The following FGF14 variants were observed in gnomAD, a reference collection of about 807,000 sequenced individuals.
FGF14 encodes fibroblast growth factor 14.
FGF14 carries 5 observed loss-of-function variants against 25.5 expected under a neutral mutation model. The ratio of observed to expected loss-of-function variants is 0.20; its 90% CI spans 0.10 to 0.41. The LOEUF is 0.41. Among genes scored for constraint, FGF14 ranks in the 10% least tolerant of loss-of-function variants. The pLI, the probability that FGF14 is intolerant of heterozygous loss-of-function variation, is 1.00. For synonymous variants in FGF14, 138 were observed against 118.3 expected (o/e 1.17, Z -1.08); for missense variants, 222 against 320.1 (o/e 0.69, Z 2.34).
At chr13:101,959,899 A>G (rs2036738512) in intron 1 of FGF14, among the ~76,000 whole-genome samples, 1 of 152,222 alleles carries the variant, frequency 6.6e-6, no homozygotes, top group African/African-American at 2.4e-5. Flanking sequence ...AATATTTGCT[A>G]AATTGAATCT....
chr13:101,720,685 T>C lies in FGF14; in HGVS notation c.*2146A>G, dbSNP rs972218465. The stretch of plus-strand genomic sequence containing the variant: ...AGTTGGCCACATATTATGGGATCTA[T>C]GTTTTCTGAAAATAATTGGTTAATG... On this transcript the variant is annotated 3_prime_UTR_variant, in exon 5 of 5. Transcript: ENST00000376143. The C allele has an allele frequency of 2.0e-5, 3 of 152,068 alleles. No individual in the cohort carries two copies. Among genetic ancestry groups the C allele is most frequent in the African/African-American group, 7.2e-5 (3 of 41,410 alleles). 9.4% of individuals were successfully genotyped at this position (152,068 alleles called of 1,614,324 possible). A position where few individuals can be genotyped will look rare whatever the true frequency, so the allele number is the denominator to read the frequency against.
At chr13:102,314,067 C>T (rs530367813) in intron 1 of FGF14, among the ~76,000 whole-genome samples, 66 of 151,714 alleles carry the variant, frequency 4.4e-4, no homozygotes, top group Admixed American at 7.3e-4. Context: ...TCAGGGGCCA[C>T]GCAAGCCATC....
intron 3 of FGF14, among the ~76,000 whole-genome samples, chr13:101,782,986 T>G (rs2039599209): frequency 6.6e-6 from 1 of 152,198 alleles, no homozygotes. Context: ...TAATTTACAC[T>G]CCCACCAACA....
At chr13:102,350,125 T>C (rs2057232423) in intron 1 of FGF14, among the ~76,000 whole-genome samples, 1 of 152,180 alleles carries the variant, frequency 6.6e-6, no homozygotes, top group African/African-American at 2.4e-5. Context: ...TATGACAGCA[T>C]ACAGCAGGTA....
intron 1 of FGF14, among the ~76,000 whole-genome samples, chr13:102,141,393 G>A (rs1412358338): frequency 1.3e-5 from 2 of 152,180 alleles, no homozygotes; most frequent in Non-Finnish European, 2.9e-5. Flanking sequence ...TCTCTTTCAT[G>A]TAGCTTTCTA....
chr13:101,723,042 C>G, intron 4 of FGF14, 75 bp from the exon 5 acceptor site: 1 of 1,534,804 alleles, frequency 6.5e-7, no homozygotes, highest in Non-Finnish European at 9.0e-7. Context: ...TCCATACCTG[C>G]ATAGACCACT....
intron 1 of FGF14, among the ~76,000 whole-genome samples, chr13:102,349,766 GT>G (rs1425441248): frequency 1.3e-5 from 2 of 152,198 alleles, no homozygotes; most frequent in African/African-American, 4.8e-5. Flanking sequence ...GAACCCATGG[GT>G]TTAGGTTAAA....
At chr13:101,941,482 T>C (rs1191732434) in intron 1 of FGF14, among the ~76,000 whole-genome samples, 1 of 152,184 alleles carries the variant, frequency 6.6e-6, no homozygotes, top group Non-Finnish European at 1.5e-5. Flanking sequence ...CATTTACAAG[T>C]ACAAATTTCA....
intron 1 of FGF14, among the ~76,000 whole-genome samples, chr13:102,027,227 A>T (rs1330697041): frequency 1.3e-5 from 2 of 151,700 alleles, no homozygotes; most frequent in South Asian, 2.1e-4. Context: ...ACATACACAC[A>T]GACACACACA....
intron 1 of FGF14, among the ~76,000 whole-genome samples, chr13:102,108,202 TG>T (rs1259576150): frequency 1.3e-5 from 2 of 152,240 alleles, no homozygotes; most frequent in Non-Finnish European, 2.9e-5. Context: ...TCTTATCTAT[TG>T]TATCAATTTT....
chr13:101,729,698 C>T (rs995019473), intron 3 of FGF14, among the ~76,000 whole-genome samples: 1 of 152,080 alleles, frequency 6.6e-6, no homozygotes, highest in African/African-American at 2.4e-5. Flanking sequence ...AAAAGTTTCT[C>T]ATTATTTGTA....
At chr13:101,890,054 T>C (rs2046192119) in intron 1 of FGF14, among the ~76,000 whole-genome samples, 1 of 152,150 alleles carries the variant, frequency 6.6e-6, no homozygotes, top group Admixed American at 6.6e-5. Flanking sequence ...CTTTGCTGAG[T>C]TCTAAAATTC....
intron 3 of FGF14, among the ~76,000 whole-genome samples, chr13:101,797,392 C>T (rs114103577): frequency 6.6e-6 from 1 of 152,006 alleles, no homozygotes; most frequent in East Asian, 1.9e-4. Flanking sequence ...TGTAATTGTG[C>T]GTCCTTTATA....
At chr13:102,076,207 C>T (rs2043355999) in intron 1 of FGF14, among the ~76,000 whole-genome samples, 1 of 152,182 alleles carries the variant, frequency 6.6e-6, no homozygotes. Flanking sequence ...AGAACAACTT[C>T]CAGTCTTGCA....
rs1429286098 is a variant in FGF14 at position 101,736,654 on chromosome 13, T to A, written c.409-9844A>T. ...AATGTACATCCAATTAAAGGAGAGC[T>A]AAGGTGAGAATTGGTGATGGTTAAT... On this transcript the variant is annotated intron_variant, in intron 3 of 4. Transcript: ENST00000376143. Among the ~76,000 whole-genome samples, 3 of 152,158 alleles carry A rather than the reference T, an allele frequency of 2.0e-5. No individual in the cohort carries two copies. In the East Asian group the frequency reaches 5.8e-4, roughly 29 times the overall value.
At chr13:101,908,919 C>G (rs950041089) in intron 1 of FGF14, among the ~76,000 whole-genome samples, 4 of 152,022 alleles carry the variant, frequency 2.6e-5, no homozygotes, top group African/African-American at 7.3e-5. Context: ...CAGAACAGAG[C>G]CCTCAGAAAT....
chr13:102,049,805 G>A (rs921836760), intron 1 of FGF14, among the ~76,000 whole-genome samples: 1 of 152,054 alleles, frequency 6.6e-6, no homozygotes. Flanking sequence ...GAAGAGACTG[G>A]AGAGAGCTGT....
At chr13:102,035,602 T>A (rs1056838989) in intron 1 of FGF14, among the ~76,000 whole-genome samples, 1 of 152,204 alleles carries the variant, frequency 6.6e-6, no homozygotes, top group Non-Finnish European at 1.5e-5. Context: ...CATTGCTAAC[T>A]TTTACTTTTT....
intron 1 of FGF14, among the ~76,000 whole-genome samples, chr13:101,978,252 C>T (rs534832321): frequency 7.2e-5 from 11 of 152,200 alleles, no homozygotes; most frequent in Non-Finnish European, 1.6e-4. Context: ...CCTTGCCTTG[C>T]TAATGAAGTT....
Sources: gnomAD v4.1 joint callset for allele counts (sites outside exome capture counted in the v4.1 genomes callset) on GRCh38, gnomAD v4.1.1 for gene constraint, MANE v1.5 for transcripts, NCBI Gene and HGNC (gene_info 2026-07-23, HGNC 2026-07-21) for gene names.